SCMH1: variants seen among roughly 807,000 people sequenced by gnomAD.
SCMH1 encodes the protein polycomb protein SCMH1.
SCMH1 carries 37 observed loss-of-function variants against 70.8 expected under a neutral mutation model. That is an observed-to-expected ratio of 0.52 (90% confidence interval 0.40 to 0.69). The LOEUF (loss-of-function observed/expected upper bound fraction) is 0.69, where lower values mean the gene tolerates loss of function less well. SCMH1 is among the 30% of genes least tolerant of loss of function. SCMH1 has a pLI of 0.00. For synonymous variants in SCMH1, 292 were observed against 307.4 expected, an observed-to-expected ratio of 0.95 and a Z score of 0.52; for missense variants, 607 against 827.3, an observed-to-expected ratio of 0.73 and a Z score of 3.27.
At chr1:41,207,711 C>T (rs1050339203) in intron 1 of SCMH1, among the ~76,000 whole-genome samples, 1 of 152,186 alleles carries the variant, frequency 6.6e-6, no homozygotes, top group Non-Finnish European at 1.5e-5. Context: ...ACAGAACTCT[C>T]CACTCCAAAT....
intron 6 of SCMH1, among the ~76,000 whole-genome samples, chr1:41,131,255 G>T (rs1188199278): frequency 1.3e-5 from 2 of 152,174 alleles, no homozygotes; most frequent in African/African-American, 4.8e-5. Context: ...CTATATGTCT[G>T]TCTTCATGCC....
rs75525203 is a variant in SCMH1, at chr1:41,126,023, C to T, written c.413-9013G>A. Reference sequence around the variant, plus strand: ...ATGTATTACTTGAATAGGATGCATACATATAAATATATTTTAAAGGCCAGA... The same window carrying T: ...ATGTATTACTTGAATAGGATGCATATATATAAATATATTTTAAAGGCCAGA... On this transcript the variant is annotated intron_variant, in intron 6 of 14. Coordinates refer to ENST00000337495, the Ensembl canonical transcript of SCMH1. Among the ~76,000 whole-genome samples the T allele has an allele frequency of 6.2e-3, 942 of 152,262 alleles. 6 individuals carry two copies. Among genetic ancestry groups the T allele is most frequent in the African/African-American group, 0.021 (879 of 41,534 alleles).
chr1:41,092,339 G>A (rs1257993556), intron 8 of SCMH1, among the ~76,000 whole-genome samples: 2 of 152,178 alleles, frequency 1.3e-5, no homozygotes, highest in Non-Finnish European at 1.5e-5. Context: ...GCTGAAACTG[G>A]ATCCCTTCCT....
At chr1:41,141,022 T>C (rs1338138189) in intron 6 of SCMH1, among the ~76,000 whole-genome samples, 1 of 152,186 alleles carries the variant, frequency 6.6e-6, no homozygotes, top group South Asian at 2.1e-4. Context: ...AGGATGCTAA[T>C]AAACCAATTC....
intron 1 of SCMH1, among the ~76,000 whole-genome samples, chr1:41,195,228 G>A (rs1233123533): frequency 2.8e-5 from 4 of 143,896 alleles, no homozygotes; most frequent in African/African-American, 1.0e-4. Flanking sequence ...ACTAGCCATA[G>A]ATAATACCGA....
chr1:41,182,074 T>C (rs918889973), intron 2 of SCMH1, among the ~76,000 whole-genome samples: 2 of 152,076 alleles, frequency 1.3e-5, no homozygotes, highest in Non-Finnish European at 2.9e-5. Flanking sequence ...CTGGAAACCA[T>C]CATCCTCAAC....
chr1:41,128,988 A>G (rs1340496581), intron 6 of SCMH1, among the ~76,000 whole-genome samples: 1 of 152,120 alleles, frequency 6.6e-6, no homozygotes, highest in Non-Finnish European at 1.5e-5. Context: ...TTCTACCTCT[A>G]AAGTTCAATT....
At chr1:41,232,305 C>A (rs907485370) in intron 1 of SCMH1, among the ~76,000 whole-genome samples, 4 of 152,124 alleles carry the variant, frequency 2.6e-5, no homozygotes, top group Non-Finnish European at 5.9e-5. Context: ...CTGATCCTAA[C>A]GAGGAATCTA....
In SCMH1 at chr1:41,113,175, C is replaced by T; in HGVS notation, c.745+108G>A. The stretch of plus-strand genomic sequence containing the variant: ...CCTAAGCTGCTGGCCCTTGCTCCTC[C>T]CCTGCATACTAGTGAAGTATACTGG... On this transcript the variant is annotated intron_variant, in intron 8 of 14. Coordinates refer to ENST00000337495, the Ensembl canonical transcript of SCMH1. This position sits in a 1 kb window ranked among gnomAD's most constrained non-coding sequence, Gnocchi z 4.3. 1 of 1,401,884 alleles carries T rather than the reference C, an allele frequency of 7.1e-7. No individual in the cohort carries two copies. 86.8% of individuals were successfully genotyped at this position (1,401,884 alleles called of 1,614,324 possible).
chr1:41,028,621 G>C (rs1447124491), exon 14 of SCMH1: 2 of 1,614,182 alleles, frequency 1.2e-6, no homozygotes, highest in South Asian at 1.1e-5. Context: ...TCCAAGCTGA[G>C]GATCAGCTTC....
At chr1:41,061,581 A>G (rs537153631) in intron 10 of SCMH1, among the ~76,000 whole-genome samples, 1 of 152,316 alleles carries the variant, frequency 6.6e-6, no homozygotes, top group African/African-American at 2.4e-5. Flanking sequence ...TATATGAGGC[A>G]AAAACAGGCA....
rs370133058 is a variant in SCMH1 at position 41,211,757 on chromosome 1, T to G, written c.-117-25507A>C. ...CACTATTCACAATAGCAAAGACTTG[T>G]AACCAACCCAAATGTCCATTAATGA... On this transcript the variant is annotated intron_variant, in intron 1 of 14. Transcript: ENST00000337495. 3.2e-4 allele frequency among the ~76,000 whole-genome samples: 48 copies of G among 152,274 alleles called. 1 individual carries two copies. In the East Asian group the frequency reaches 5.2e-3, roughly 17 times the overall value.
At chr1:41,060,751 C>T (rs1048483356) in intron 10 of SCMH1, among the ~76,000 whole-genome samples, 2 of 152,080 alleles carry the variant, frequency 1.3e-5, no homozygotes, top group Non-Finnish European at 2.9e-5. Context: ...CTCAAGTGAT[C>T]CTCCTGCCTC....
chr1:41,085,418 G>T (rs952355387), intron 8 of SCMH1, among the ~76,000 whole-genome samples: 2 of 152,128 alleles, frequency 1.3e-5, no homozygotes, highest in Non-Finnish European at 2.9e-5. Context: ...ACATCTTACT[G>T]GAGAAACACA....
At chr1:41,216,051 C>A (rs966698570) in intron 1 of SCMH1, among the ~76,000 whole-genome samples, 1 of 152,190 alleles carries the variant, frequency 6.6e-6, no homozygotes, top group Non-Finnish European at 1.5e-5. Flanking sequence ...CCAGGTGGGT[C>A]TCCAGAAGGT....
intron 7 of SCMH1, among the ~76,000 whole-genome samples, chr1:41,116,139 T>C (rs1462504405): frequency 1.3e-5 from 2 of 152,222 alleles, no homozygotes; most frequent in African/African-American, 4.8e-5. Flanking sequence ...ATCCCTTTAC[T>C]GCACAGCTGG....
intron 2 of SCMH1, among the ~76,000 whole-genome samples, chr1:41,180,163 AAC>A (rs1297888178): frequency 6.6e-6 from 1 of 152,214 alleles, no homozygotes; most frequent in Non-Finnish European, 1.5e-5. Flanking sequence ...AAAATTCAAC[AAC>A]ACTTCATGCT....
chr1:41,086,684 C>T (rs536097176), intron 8 of SCMH1, among the ~76,000 whole-genome samples: 7 of 152,006 alleles, frequency 4.6e-5, no homozygotes, highest in African/African-American at 1.7e-4. Context: ...GTGGGAGGGT[C>T]ACTTGAGGCT....
At chr1:41,107,980 A>G (rs3820090) in intron 8 of SCMH1, among the ~76,000 whole-genome samples, 16,387 of 152,298 alleles carry the variant, frequency 0.11, 1,262 homozygotes, top group East Asian at 0.28. Flanking sequence ...GTTTCTAAGC[A>G]TCAAATTATT....
Sources: gnomAD v4.1 joint callset for allele counts (sites outside exome capture counted in the v4.1 genomes callset) on GRCh38, gnomAD v4.1.1 for gene constraint, Gnocchi (gnomAD v3.1) non-coding constraint, MANE v1.5 for transcripts, NCBI Gene and HGNC (gene_info 2026-07-23, HGNC 2026-07-21) for gene names.